EYS: variants seen among roughly 807,000 people sequenced by gnomAD.
EYS encodes protein eyes shut homolog.
In EYS, 250 loss-of-function variants were observed where a neutral mutation model predicts 282.1. That is an observed-to-expected ratio of 0.89 (90% CI 0.80 to 0.98). EYS has a LOEUF of 0.98. Among genes scored for constraint, EYS ranks in the 50% least tolerant of loss-of-function variants. The pLI is 0.00. For missense variants in EYS, 4,016 were observed against 3,709.0 expected, an observed-to-expected ratio of 1.08 and a Z score of -2.15; for synonymous variants, 1,355 against 1,282.9, an observed-to-expected ratio of 1.06 and a Z score of -1.20.
intron 26 of EYS, among the ~76,000 whole-genome samples, chr6:64,452,013 A>G (rs1775368144): frequency 6.6e-6 from 1 of 152,206 alleles, no homozygotes; most frequent in South Asian, 2.1e-4. Context: ...GGCCAGGGCA[A>G]TCAGGCAGGA....
chr6:63,908,060 G>GAAA (rs1773828680), intron 35 of EYS, among the ~76,000 whole-genome samples: 3 of 133,388 alleles, frequency 2.2e-5, no homozygotes, highest in African/African-American at 9.1e-5. Context: ...GTGTGTGTGT[G>GAAA]TGTGTAAATA....
chr6:65,549,255 G>A (rs1467760983), intron 2 of EYS, among the ~76,000 whole-genome samples: 1 of 152,158 alleles, frequency 6.6e-6, no homozygotes, highest in Non-Finnish European at 1.5e-5. Flanking sequence ...TTTATAGCAG[G>A]CAATGTATTA....
chr6:64,205,882 T>G (rs1765597148), intron 31 of EYS, among the ~76,000 whole-genome samples: 2 of 148,304 alleles, frequency 1.3e-5, no homozygotes, highest in African/African-American at 5.0e-5. Flanking sequence ...GAGAAAGAAA[T>G]TCACTGTTAG....
In EYS at chr6:64,379,182, T is replaced by C. The variant is rs144355726; in HGVS notation, c.6078+9508A>G. ...TCATTCACCTGGGGTTTCTGTTCTA[T>C]AGCCTTTAGCTAAATTAGCCTTAAG... On this transcript the variant is annotated intron_variant, in intron 29 of 42. Transcript: ENST00000503581. 3.8e-3 allele frequency among the ~76,000 whole-genome samples: 580 copies of C among 152,284 alleles called. 2 individuals are homozygous for C. The highest frequency in any genetic ancestry group is 0.013 in the African/African-American group (524 of 41,574).
intron 22 of EYS, among the ~76,000 whole-genome samples, chr6:64,635,199 C>T (rs1244780535): frequency 6.6e-6 from 1 of 152,140 alleles, no homozygotes; most frequent in Non-Finnish European, 1.5e-5. Flanking sequence ...GCTGAAGTTG[C>T]CTATCAGCTT....
At chr6:65,407,576 C>A (rs1387917315) in intron 5 of EYS, among the ~76,000 whole-genome samples, 1 of 152,030 alleles carries the variant, frequency 6.6e-6, no homozygotes, top group African/African-American at 2.4e-5. Context: ...TTTTAATATA[C>A]AGAAAGGCAA....
At chr6:64,073,092 G>T (rs1320882041) in intron 32 of EYS, among the ~76,000 whole-genome samples, 1 of 151,786 alleles carries the variant, frequency 6.6e-6, no homozygotes, top group African/African-American at 2.4e-5. Context: ...CTGCTTTATT[G>T]TACAGTATAA....
At chr6:64,866,562 C>A (rs79041944) in intron 19 of EYS, among the ~76,000 whole-genome samples, 6,535 of 151,820 alleles carry the variant, frequency 0.043, 197 homozygotes, top group East Asian at 0.17. Flanking sequence ...TAAATGTGCT[C>A]AAAAGGCCTC....
intron 5 of EYS, among the ~76,000 whole-genome samples, chr6:65,423,770 G>A (rs898294138): frequency 5.3e-5 from 8 of 151,774 alleles, no homozygotes; most frequent in African/African-American, 1.2e-4. Flanking sequence ...CAGGGAGCCC[G>A]CTTCTATTCT....
intron 32 of EYS, among the ~76,000 whole-genome samples, chr6:64,080,697 A>G (rs562022159): frequency 1.3e-5 from 2 of 151,998 alleles, no homozygotes; most frequent in South Asian, 4.1e-4. Flanking sequence ...TAGGTCTAAC[A>G]TTTAAGTCTT....
chr6:64,563,356 C>A (rs1204624688), intron 26 of EYS, among the ~76,000 whole-genome samples: 1 of 151,868 alleles, frequency 6.6e-6, no homozygotes, highest in Non-Finnish European at 1.5e-5. Context: ...AAAAAGAATT[C>A]TTGGTCTTTA....
At chr6:65,684,060 G>A (rs1768920633) in intron 1 of EYS, among the ~76,000 whole-genome samples, 1 of 151,922 alleles carries the variant, frequency 6.6e-6, no homozygotes, top group South Asian at 2.1e-4. Context: ...AATATTCATT[G>A]CCTTAGAATT....
At chr6:64,803,989 C>T (rs1163074084) in intron 22 of EYS, among the ~76,000 whole-genome samples, 2 of 152,170 alleles carry the variant, frequency 1.3e-5, no homozygotes, top group Non-Finnish European at 2.9e-5. Flanking sequence ...GTAGGGCTCT[C>T]ACCCAACCGA....
intron 12 of EYS, among the ~76,000 whole-genome samples, chr6:65,154,478 G>T (rs1764687617): frequency 1.3e-5 from 2 of 151,616 alleles, no homozygotes; most frequent in Admixed American, 1.3e-4. Context: ...TGAAGAAACT[G>T]CTTTACTGGA....
chr6:64,798,784 T>G (rs886480279), intron 22 of EYS, among the ~76,000 whole-genome samples: 1 of 151,826 alleles, frequency 6.6e-6, no homozygotes, highest in East Asian at 1.9e-4. Context: ...CTCAGGATAT[T>G]TTTGCATTTG....
intron 19 of EYS, among the ~76,000 whole-genome samples, chr6:64,837,220 G>A (rs1202040163): frequency 6.6e-6 from 1 of 151,342 alleles, no homozygotes. Flanking sequence ...TTTTTAATGA[G>A]AAAATTATGT....
At chr6:65,686,924 T>A (rs192530661) in intron 1 of EYS, among the ~76,000 whole-genome samples, 2 of 152,168 alleles carry the variant, frequency 1.3e-5, no homozygotes, top group Admixed American at 1.3e-4. Flanking sequence ...AGGGAGCTTT[T>A]TTTTTAATGT....
chr6:64,940,193 C>T (rs1425688662), intron 15 of EYS, among the ~76,000 whole-genome samples: 1 of 151,972 alleles, frequency 6.6e-6, no homozygotes, highest in African/African-American at 2.4e-5. Context: ...TTTCTAACAT[C>T]CTTTTATTTA....
chr6:65,311,162 A>G (rs566067046), intron 11 of EYS, among the ~76,000 whole-genome samples: 1 of 152,374 alleles, frequency 6.6e-6, no homozygotes, highest in East Asian at 1.9e-4. Context: ...ATCTATAAAT[A>G]CTTAAAAAGT....
Sources: gnomAD v4.1 joint callset for allele counts (sites outside exome capture counted in the v4.1 genomes callset) on GRCh38, gnomAD v4.1.1 for gene constraint, MANE v1.5 for transcripts, NCBI Gene and HGNC (gene_info 2026-07-23, HGNC 2026-07-21) for gene names.